Variants in HPSE2 observed in about 807,000 individuals in gnomAD.
HPSE2 encodes the protein heparanase 2 (inactive).
In HPSE2, 38 loss-of-function variants were observed where a neutral mutation model predicts 60.5. The observed-to-expected ratio is 0.63, with a 90% confidence interval of 0.48 to 0.82. The LOEUF is 0.82. Ranked by LOEUF, HPSE2 falls within the 40% of genes least tolerant of loss-of-function variation. The pLI is 0.00. For missense variants in HPSE2, 713 were observed against 740.4 expected (o/e 0.96, Z 0.43); for synonymous variants, 295 against 293.2 (o/e 1.01, Z -0.06).
At chr10:99,143,490 A>G (rs930419406) in intron 3 of HPSE2, among the ~76,000 whole-genome samples, 4 of 152,216 alleles carry the variant, frequency 2.6e-5, no homozygotes, top group Non-Finnish European at 4.4e-5. Flanking sequence ...GTTAAAGTTT[A>G]TTTGGATCAC....
the HPSE2 span, among the ~76,000 whole-genome samples, chr10:99,288,136 G>C: frequency 6.9e-6 from 1 of 145,972 alleles, no homozygotes; most frequent in African/African-American, 2.4e-5. Flanking sequence ...TAAGACCCTA[G>C]GTAAGTCCTT....
the HPSE2 span, among the ~76,000 whole-genome samples, chr10:99,275,146 C>T: frequency 6.6e-6 from 1 of 152,172 alleles, no homozygotes; most frequent in African/African-American, 2.4e-5. Context: ...AGTATTAGTT[C>T]CTTCCAAAAA....
chr10:99,138,470 A>C (rs1308298689), intron 3 of HPSE2, among the ~76,000 whole-genome samples: 3 of 152,246 alleles, frequency 2.0e-5, no homozygotes, highest in Non-Finnish European at 4.4e-5. Flanking sequence ...TATTTACAAT[A>C]GGAAAGACTT....
intron 3 of HPSE2, among the ~76,000 whole-genome samples, chr10:99,022,379 A>C (rs998243446): frequency 2.6e-5 from 4 of 152,176 alleles, no homozygotes; most frequent in Non-Finnish European, 2.9e-5. Flanking sequence ...GGAGGGCTAC[A>C]GCACTCTGTG....
intron 6 of HPSE2, among the ~76,000 whole-genome samples, chr10:98,680,395 T>C (rs1335641108): frequency 2.0e-5 from 3 of 152,320 alleles, no homozygotes; most frequent in South Asian, 2.1e-4. Context: ...TGATGAAATA[T>C]ATAAAGTGTT....
chr10:98,493,803 G>A (rs764999899), intron 9 of HPSE2, among the ~76,000 whole-genome samples: 1 of 152,126 alleles, frequency 6.6e-6, no homozygotes, highest in African/African-American at 2.4e-5. Context: ...AGTAACTACT[G>A]ATAAGGAGGG....
At chr10:99,296,189 T>C in the HPSE2 span, among the ~76,000 whole-genome samples, 13 of 152,202 alleles carry the variant, frequency 8.5e-5, no homozygotes, top group Admixed American at 8.5e-4. Context: ...GCTTTCCATG[T>C]AGGATGCAGT....
At chr10:99,197,280 A>G (rs1295591327) in intron 2 of HPSE2, among the ~76,000 whole-genome samples, 1 of 152,170 alleles carries the variant, frequency 6.6e-6, no homozygotes, top group Non-Finnish European at 1.5e-5. Flanking sequence ...AAAAAAATAG[A>G]AAGAATGAAC....
intron 9 of HPSE2, among the ~76,000 whole-genome samples, chr10:98,493,380 T>C (rs1400883880): frequency 1.3e-5 from 2 of 152,234 alleles, no homozygotes; most frequent in Non-Finnish European, 1.5e-5. Flanking sequence ...CTTATCATTA[T>C]TGAGAATGGG....
intron 9 of HPSE2, among the ~76,000 whole-genome samples, chr10:98,597,417 C>T (rs1945269813): frequency 6.6e-6 from 1 of 151,802 alleles, no homozygotes; most frequent in Admixed American, 6.6e-5. Flanking sequence ...GTAATCCCAG[C>T]ACTTTGGAAG....
At chr10:99,244,045 G>A in the HPSE2 span, among the ~76,000 whole-genome samples, 2 of 152,018 alleles carry the variant, frequency 1.3e-5, no homozygotes, top group South Asian at 2.1e-4. Flanking sequence ...GACTAGCTAC[G>A]ACTGTATTTT....
intron 9 of HPSE2, among the ~76,000 whole-genome samples, chr10:98,541,163 A>C (rs1425057537): frequency 6.6e-6 from 1 of 152,240 alleles, no homozygotes; most frequent in East Asian, 1.9e-4. Flanking sequence ...CTTTAACCTT[A>C]TGCTATCCTT....
At chr10:98,855,262 T>G (rs1952283808) in intron 3 of HPSE2, among the ~76,000 whole-genome samples, 1 of 152,168 alleles carries the variant, frequency 6.6e-6, no homozygotes, top group African/African-American at 2.4e-5. Flanking sequence ...AAAAGAGTTT[T>G]GCATTTACTC....
chr10:98,814,908 T>A (rs1171685918), intron 3 of HPSE2, among the ~76,000 whole-genome samples: 2 of 152,238 alleles, frequency 1.3e-5, no homozygotes, highest in African/African-American at 4.8e-5. Flanking sequence ...GAGATTTCCA[T>A]TCTTGGTTAG....
At chr10:98,622,824 C>T (rs1046385497) in intron 7 of HPSE2, among the ~76,000 whole-genome samples, 21 of 152,080 alleles carry the variant, frequency 1.4e-4, no homozygotes, top group African/African-American at 4.8e-4. Context: ...GTAGTCCTCT[C>T]ACCCCTTTCA....
At chr10:99,048,994 C>G (rs188634204) in intron 3 of HPSE2, among the ~76,000 whole-genome samples, 9 of 152,228 alleles carry the variant, frequency 5.9e-5, no homozygotes, top group East Asian at 5.8e-4. Context: ...AACCAAGAAC[C>G]ATATATTTTC....
intron 2 of HPSE2, among the ~76,000 whole-genome samples, chr10:99,201,958 C>T (rs567656912): frequency 2.4e-4 from 37 of 152,212 alleles, no homozygotes; most frequent in African/African-American, 8.7e-4. Context: ...CAGGGTCTCA[C>T]GATGCTCACT....
intron 2 of HPSE2, among the ~76,000 whole-genome samples, chr10:99,155,428 T>C (rs1354237681): frequency 2.7e-5 from 4 of 148,758 alleles, no homozygotes; most frequent in African/African-American, 9.8e-5. Context: ...GCAATCAAAC[T>C]AGAACTCAGG....
At chr10:98,503,634 A>G (rs1942100988) in intron 9 of HPSE2, among the ~76,000 whole-genome samples, 1 of 152,260 alleles carries the variant, frequency 6.6e-6, no homozygotes, top group African/African-American at 2.4e-5. Context: ...CCAATCAACA[A>G]GTGAATAAAG....
Sources: gnomAD v4.1 joint callset for allele counts (sites outside exome capture counted in the v4.1 genomes callset) on GRCh38, gnomAD v4.1.1 for gene constraint, MANE v1.5 for transcripts, NCBI Gene and HGNC (gene_info 2026-07-23, HGNC 2026-07-21) for gene names.